Variants in CHD8 observed in about 807,000 individuals in gnomAD.
CHD8 encodes ATP-dependent chromatin remodeler CHD8.
Under a neutral mutation model 279.2 loss-of-function variants are expected in CHD8, and 31 were observed. The ratio of observed to expected loss-of-function variants is 0.11; its 90% CI spans 0.08 to 0.15. The LOEUF (loss-of-function observed/expected upper bound fraction) is 0.15. Ranked by LOEUF, CHD8 falls within the 10% of genes least tolerant of loss-of-function variation. The pLI, the probability that CHD8 is intolerant of heterozygous loss-of-function variation, is 1.00. For missense variants in CHD8, 2,146 were observed against 3,230.5 expected (o/e 0.66, Z 8.14); for synonymous variants, 1,081 against 1,139.6 (o/e 0.95, Z 1.04).
intron 26 of CHD8, 92 bp downstream of exon 26, chr14:21,399,510 C>G: frequency 1.2e-6 from 1 of 853,532 alleles, no homozygotes; most frequent in South Asian, 1.4e-5. Context: ...AATCAGATAA[C>G]TGAGTTATTT....
chr14:21,399,599 T>C lies in CHD8; in HGVS notation c.4921+3A>G. The C allele has an allele frequency of 1.9e-6, 3 of 1,604,870 alleles. No individual in the cohort carries two copies. Among genetic ancestry groups the C allele is most frequent in the Non-Finnish European group, 2.6e-6 (3 of 1,171,550 alleles). On this transcript the variant is annotated splice_donor_region_variant and intron_variant, in intron 26 of 37. Coordinates refer to ENST00000646647, the MANE Select transcript of CHD8 (RefSeq NM_001170629.2). Reference sequence around the variant, plus strand: ...AAGGAGTAGAATAGGAGAAGATACGTACCATGTTTAAAGACTCCAATGAGC... The same window carrying C: ...AAGGAGTAGAATAGGAGAAGATACGCACCATGTTTAAAGACTCCAATGAGC...
In CHD8 at chr14:21,400,306, A is replaced by T. The variant is rs767768479; in HGVS notation, c.4572T>A (p.Gly1524=). The T allele has an allele frequency of 6.8e-6, 11 of 1,613,862 alleles. No individual in the cohort carries two copies. In the South Asian group the frequency reaches 1.2e-4, roughly 18 times the overall value. ...GTCCACGAGGCACAGGGATAGATAG[A>T]CCTGGGAAAGGGGAGACATCAAAGA... The part of the protein sequence containing the change: ...GKTKELQNHS[G]LSIPVPRGRK... The change falls in exon 24 of 38, where the codon GGT becomes GGA. Residue 1524 remains glycine (G), a splice_region_variant and synonymous_variant. Coordinates refer to ENST00000646647, the MANE Select transcript of CHD8 (RefSeq NM_001170629.2). The surrounding 1 kb of genome is among the most constrained non-coding windows in gnomAD (Gnocchi z 4.2).
Position 21,405,633 on chromosome 14 carries a change from T to A in CHD8, c.3051+88A>T. On this transcript the variant is annotated intron_variant, in intron 15 of 37. Coordinates refer to ENST00000646647, the MANE Select transcript of CHD8 (RefSeq NM_001170629.2). The surrounding 1 kb of genome is among the most constrained non-coding windows in gnomAD (Gnocchi z 4.2). ...GGTTATAAGGAGTTCAGAAAGGCCCTTGAGATACCCATGACAACAGATGTC... is the reference window on the plus strand; with the variant it reads ...GGTTATAAGGAGTTCAGAAAGGCCCATGAGATACCCATGACAACAGATGTC... 6.6e-7 allele frequency: 1 copy of A among 1,515,758 alleles called. No homozygotes were observed. Among genetic ancestry groups the A allele is most frequent in the Non-Finnish European group, 9.0e-7 (1 of 1,113,368 alleles). The allele number at this position is 1,515,758 out of a possible 1,614,324, so 93.9% of individuals were successfully genotyped here.
intron 1 of CHD8, among the ~76,000 whole-genome samples, chr14:21,435,522 T>G (rs957098419): frequency 6.6e-6 from 1 of 152,186 alleles, no homozygotes; most frequent in Non-Finnish European, 1.5e-5. Flanking sequence ...CCTTGCCCAT[T>G]TCTATAATAA....
chr14:21,395,732 A>G (rs765610600), intron 28 of CHD8, 85 bp downstream of exon 28: 11 of 812,868 alleles, frequency 1.4e-5, no homozygotes, highest in Non-Finnish European at 2.1e-5. Context: ...AAATTAACCA[A>G]TATATTTCAA....
rs1889840905 is a variant in CHD8 at position 21,437,563 on chromosome 14, AGAG to A, written c.-215-5708_-215-5706del. Among the ~76,000 whole-genome samples the A allele has an allele frequency of 2.0e-5, 3 of 152,286 alleles. No homozygotes were observed. In the South Asian group the frequency reaches 6.2e-4, roughly 32 times the overall value. On this transcript the variant is annotated intron_variant, in intron 1 of 37. Transcript: ENST00000646647. ...ATCTACTCTGAATTCTTCACCCTGA[AGAG>A]TATAAACTTGGGAGGGAGGGTTCCG...
chr14:21,385,864 G>A lies in CHD8; in HGVS notation c.7495C>T (p.Pro2499Ser), dbSNP rs1434853224. 6.5e-7 allele frequency: 1 copy of A among 1,540,658 alleles called. No individual in the cohort carries two copies. The highest frequency in any genetic ancestry group is 8.8e-7 in the Non-Finnish European group (1 of 1,139,252). ...STMLHHHHHHPHPHHHHHHHP... is the reference protein window; with the variant it reads ...STMLHHHHHHSHPHHHHHHHP... ...TGATGGTGGTGATGGTGGGGGTGGG[G>A]GTGGTGGTGGTGGTGATGAAGCATG... The change falls in exon 38 of 38, where the codon CCC (proline) becomes TCC (serine). Residue 2499 changes from proline (P) to serine (S), a missense_variant. This residue lies in a region of CHD8 where 336 missense variants were observed against 392.9 expected (regional missense o/e 0.86). Coordinates refer to ENST00000646647, the MANE Select transcript of CHD8 (RefSeq NM_001170629.2).
At chr14:21,443,327 C>A (rs919574678) in intron 1 of CHD8, among the ~76,000 whole-genome samples, 1 of 151,762 alleles carries the variant, frequency 6.6e-6, no homozygotes, top group East Asian at 1.9e-4. Context: ...GGAGGTGGAG[C>A]TTGCAGTGAG....
chr14:21,420,137 T>G (rs1419299767), intron 5 of CHD8, among the ~76,000 whole-genome samples: 1 of 152,228 alleles, frequency 6.6e-6, no homozygotes. Flanking sequence ...TTGTGAAAAC[T>G]AGCAGATTAT....
rs770593901 is a variant in CHD8, at chr14:21,392,779, C to A, written c.6499G>T (p.Val2167Phe). ...TTCCCTGAGAGTACAGCCTGGCAGA[C>A]GAGGTCAATACGGTTTATCAGGACA... The part of the protein sequence containing the change: ...DRVLINRIDL[V>F]CQAVLSGKWP... The change falls in exon 34 of 38, where the codon GTC becomes TTC. Residue 2167 changes from valine to phenylalanine, a missense_variant. Around this residue, in one of 26 missense-constraint regions of CHD8, gnomAD observed 513 missense variants for 637.6 expected, o/e 0.80. Coordinates refer to ENST00000646647, the MANE Select transcript of CHD8 (RefSeq NM_001170629.2). 1 of 1,613,664 alleles carries A rather than the reference C, an allele frequency of 6.2e-7. No homozygotes were observed.
chr14:21,449,291 T>A (rs371148266), intron 1 of CHD8, among the ~76,000 whole-genome samples: 6 of 152,230 alleles, frequency 3.9e-5, no homozygotes, highest in Non-Finnish European at 8.8e-5. Context: ...AGTCTTTTTT[T>A]ATTTTCCCTG....
At chr14:21,406,748 TACC>T in intron 14 of CHD8, 105 bp downstream of exon 14, 1 of 979,044 alleles carries the variant, frequency 1.0e-6, no homozygotes. Context: ...CACTGTTCAA[TACC>T]ACGATTCAGA....
Position 21,409,615 on chromosome 14 carries a change from G to A in CHD8, c.2364+236C>T, listed in dbSNP as rs8015439. Among the ~76,000 whole-genome samples, 2,702 of 152,252 alleles carry A rather than the reference G, an allele frequency of 0.018. 88 individuals carry two copies. Among genetic ancestry groups the A allele is most frequent in the African/African-American group, 0.061 (2,524 of 41,532 alleles). ...TTACAGATGAAATAAATGAATCTGGGATTTGATTTAAAATAACCTGGGAAA... is the reference window on the plus strand; with the variant it reads ...TTACAGATGAAATAAATGAATCTGGAATTTGATTTAAAATAACCTGGGAAA... On this transcript the variant is annotated intron_variant, in intron 11 of 37. Coordinates refer to ENST00000646647, the MANE Select transcript of CHD8 (RefSeq NM_001170629.2).
chr14:21,427,984 C>T lies in CHD8; in HGVS notation c.1486G>A (p.Glu496Lys), dbSNP rs752090686. 6.2e-7 allele frequency: 1 copy of T among 1,614,066 alleles called. No homozygotes were observed. Among genetic ancestry groups the T allele is most frequent in the Non-Finnish European group, 8.5e-7 (1 of 1,179,902 alleles). The part of the protein sequence containing the change: ...EDELPSVRPE[E>K]EGEKKRRKKS... ...TTCCTGCGTTTCTTCTCGCCTTCCT[C>T]CTCTGGCCGAACGCTGGGCAACTCG... is the stretch of plus-strand genomic sequence containing the variant. The change falls in exon 4 of 38, where the codon GAG becomes AAG. Residue 496 changes from glutamate (E) to lysine (K), a missense_variant. Physicochemically the swap from Glu to Lys is moderately conservative, Grantham distance 56. Around this residue, in one of 26 missense-constraint regions of CHD8, gnomAD observed 123 missense variants for 169.2 expected, o/e 0.73. Transcript: ENST00000646647.
Position 21,402,836 on chromosome 14 carries a change from G to A in CHD8, c.3714+181C>T, listed in dbSNP as rs1279554469. Among the ~76,000 whole-genome samples, 2 of 152,226 alleles carry A rather than the reference G, an allele frequency of 1.3e-5. No individual in the cohort carries two copies. The highest frequency in any genetic ancestry group is 4.8e-5 in the African/African-American group (2 of 41,460). ...CAACAAAGACTCGATGGCTCACAAA[G>A]CCTAAAACATTTACTGTCTTGTCGT... On this transcript the variant is annotated intron_variant, in intron 18 of 37. Coordinates refer to ENST00000646647, the MANE Select transcript of CHD8 (RefSeq NM_001170629.2). This position sits in a 1 kb window ranked among gnomAD's most constrained non-coding sequence, Gnocchi z 4.5.
At chr14:21,401,913 C>T (rs1410359507) in intron 20 of CHD8, 44 bp downstream of exon 20, 2 of 1,513,824 alleles carry the variant, frequency 1.3e-6, no homozygotes, top group Admixed American at 2.1e-5. Context: ...CCTAGAGATT[C>T]CGGTCTCTGT....
At chr14:21,433,085 A>T (rs1226271366) in intron 1 of CHD8, among the ~76,000 whole-genome samples, 1 of 152,202 alleles carries the variant, frequency 6.6e-6, no homozygotes, top group Non-Finnish European at 1.5e-5. Flanking sequence ...TGTTTTATTT[A>T]TCTGTGGATC....
intron 29 of CHD8, 57 bp from the exon 30 acceptor site, chr14:21,395,176 C>A: frequency 6.4e-7 from 1 of 1,564,756 alleles, no homozygotes; most frequent in Non-Finnish European, 8.7e-7. Context: ...AGAGGCAATA[C>A]TAGTATTTTA....
At position 21,429,037 on chromosome 14, in the gene CHD8, G is replaced by C; in HGVS notation, c.1142C>G (p.Ala381Gly). 6.2e-7 allele frequency: 1 copy of C among 1,613,994 alleles called. No homozygotes were observed. Residue 381 changes from alanine to glycine, a missense_variant, in exon 3 of 38, where the codon GCT becomes GGT. Around this residue, in one of 26 missense-constraint regions of CHD8, gnomAD observed 170 missense variants for 189.9 expected, o/e 0.90. Coordinates refer to ENST00000646647, the MANE Select transcript of CHD8 (RefSeq NM_001170629.2). ...QPVTLSSVQQAQIMGPGQSPG... is the reference protein window; with the variant it reads ...QPVTLSSVQQGQIMGPGQSPG... ...GCTTTGTCCTGGTCCCATTATCTGA[G>C]CCTGCTGTACAGAGGACAGAGTCAC...
Sources: allele counts gnomAD v4.1 joint callset (sites outside exome capture counted in the v4.1 genomes callset), GRCh38; gene constraint gnomAD v4.1.1; regional missense constraint gnomAD v4.1.1; non-coding constraint Gnocchi (gnomAD v3.1); transcripts MANE v1.5; gene names NCBI Gene and HGNC (gene_info 2026-07-23, HGNC 2026-07-21).